The following PEPD variants were observed in gnomAD, a reference collection of about 807,000 sequenced individuals.
PEPD encodes the protein peptidase D.
Under a neutral mutation model 60.7 loss-of-function variants are expected in PEPD, and 53 were observed. The observed-to-expected ratio is 0.87, with a 90% CI of 0.70 to 1.10. PEPD has a LOEUF of 1.10. Ranked by LOEUF, PEPD falls within the 50% of genes least tolerant of loss-of-function variation. The pLI is 0.00. For synonymous variants in PEPD, 267 were observed against 284.1 expected (o/e 0.94, Z 0.60); for missense variants, 711 against 711.9 (o/e 1.00, Z 0.01).
chr19:33,437,113 C>T (rs1023638724), intron 9 of PEPD, among the ~76,000 whole-genome samples: 1 of 152,122 alleles, frequency 6.6e-6, no homozygotes, highest in Non-Finnish European at 1.5e-5. Flanking sequence ...TCTGAGAACA[C>T]GGCCCAGGAG....
intron 12 of PEPD, among the ~76,000 whole-genome samples, chr19:33,400,790 A>T (rs1266044811): frequency 1.3e-5 from 2 of 152,164 alleles, no homozygotes; most frequent in Non-Finnish European, 2.9e-5. Flanking sequence ...ACCTCCCATC[A>T]CTGCTGGGAA....
At chr19:33,473,232 C>T (rs1471386578) in intron 7 of PEPD, among the ~76,000 whole-genome samples, 1 of 152,100 alleles carries the variant, frequency 6.6e-6, no homozygotes, top group Non-Finnish European at 1.5e-5. Context: ...TTCTTGCTGG[C>T]GTAGGGTTAA....
intron 9 of PEPD, among the ~76,000 whole-genome samples, chr19:33,424,029 T>C (rs1394885926): frequency 6.6e-6 from 1 of 152,244 alleles, no homozygotes; most frequent in Non-Finnish European, 1.5e-5. Flanking sequence ...TGCGCTGGCT[T>C]GGAGCACCAT....
intron 9 of PEPD, among the ~76,000 whole-genome samples, chr19:33,428,706 C>A (rs1164346055): frequency 6.6e-6 from 1 of 152,212 alleles, no homozygotes; most frequent in Non-Finnish European, 1.5e-5. Flanking sequence ...AACTTTCAGC[C>A]TGGCACCCTC....
chr19:33,498,589 C>T (rs34221005), intron 4 of PEPD, among the ~76,000 whole-genome samples: 4 of 151,932 alleles, frequency 2.6e-5, no homozygotes, highest in African/African-American at 7.3e-5. Context: ...GGTCCCACCA[C>T]GGTCCTTGAG....
At chr19:33,437,471 T>A (rs1224358387) in intron 9 of PEPD, among the ~76,000 whole-genome samples, 5 of 151,516 alleles carry the variant, frequency 3.3e-5, no homozygotes, top group Non-Finnish European at 7.4e-5. Context: ...GAGCTGTTAT[T>A]AACAGCCAGA....
intron 5 of PEPD, among the ~76,000 whole-genome samples, chr19:33,492,537 C>A (rs1225224313): frequency 1.6e-4 from 25 of 152,176 alleles, no homozygotes; most frequent in East Asian, 1.9e-4. Flanking sequence ...CTTTCTGTTA[C>A]AATCCAATTG....
rs10403476 is a variant in PEPD at position 33,475,576 on chromosome 19, C to T, written c.548+2470G>A. ...GAACGCGGGCTCGACCTCAAAGCCT[C>T]GAAAATGTCACTTGAATTAAAGCAT... On this transcript the variant is annotated intron_variant, in intron 7 of 14. Coordinates refer to ENST00000244137, the MANE Select transcript of PEPD (RefSeq NM_000285.4). Among the ~76,000 whole-genome samples, 543 of 152,270 alleles carry T rather than the reference C, an allele frequency of 3.6e-3. 3 individuals carry two copies. Among genetic ancestry groups the T allele is most frequent in the African/African-American group, 0.012 (515 of 41,558 alleles).
At chr19:33,509,651 T>A (rs1351496603) in intron 3 of PEPD, among the ~76,000 whole-genome samples, 1 of 152,184 alleles carries the variant, frequency 6.6e-6, no homozygotes, top group East Asian at 1.9e-4. Flanking sequence ...GCCCACCTGG[T>A]AATGAGCATT....
At chr19:33,513,139 G>A (rs894517130) in intron 1 of PEPD, among the ~76,000 whole-genome samples, 6 of 152,044 alleles carry the variant, frequency 3.9e-5, no homozygotes, top group Non-Finnish European at 5.9e-5. Flanking sequence ...CTCTCTCTGC[G>A]GAAACCTTCT....
In PEPD at chr19:33,507,001, C is replaced by G. The variant is rs531739134; in HGVS notation, c.329+4027G>C. ...CCACATCACATCCATACGTACCCAC[C>G]CCTCCACATGCACCACACCACACAC... On this transcript the variant is annotated intron_variant, in intron 3 of 14. Coordinates refer to ENST00000244137, the MANE Select transcript of PEPD (RefSeq NM_000285.4). Among the ~76,000 whole-genome samples, 8 of 150,894 alleles carry G rather than the reference C, an allele frequency of 5.3e-5. 1 individual carries two copies. In the South Asian group the frequency reaches 1.7e-3, roughly 32 times the overall value.
chr19:33,487,353 G>A (rs897169615), intron 6 of PEPD: 1 of 152,478 alleles, frequency 6.6e-6, no homozygotes, highest in Non-Finnish European at 1.5e-5. Flanking sequence ...ATGCAGGGTA[G>A]GGGGCACCAG....
intron 4 of PEPD, 67 bp downstream of exon 4, chr19:33,500,871 A>T: frequency 1.1e-6 from 1 of 895,288 alleles, no homozygotes; most frequent in Non-Finnish European, 1.9e-6. Context: ...GTGGAAGGAG[A>T]GGAACTCCAG....
chr19:33,407,417 G>C (rs1968654430), intron 11 of PEPD, among the ~76,000 whole-genome samples: 1 of 152,188 alleles, frequency 6.6e-6, no homozygotes, highest in South Asian at 2.1e-4. Context: ...TGGAAGGAGG[G>C]GGCAGCACAT....
At chr19:33,401,150 T>C (rs550893421) in intron 12 of PEPD, among the ~76,000 whole-genome samples, 138 of 152,350 alleles carry the variant, frequency 9.1e-4, no homozygotes, top group African/African-American at 3.2e-3. Flanking sequence ...ACCAGGCCCA[T>C]CCTGGCCTCA....
intron 3 of PEPD, among the ~76,000 whole-genome samples, chr19:33,504,692 G>A (rs902423403): frequency 1.3e-5 from 2 of 152,094 alleles, no homozygotes; most frequent in African/African-American, 4.8e-5. Context: ...TAGGGAGGTG[G>A]AGGTTGCAGT....
intron 11 of PEPD, among the ~76,000 whole-genome samples, chr19:33,405,696 G>A (rs1018176550): frequency 6.6e-6 from 1 of 152,236 alleles, no homozygotes; most frequent in Non-Finnish European, 1.5e-5. Context: ...AGCTCCAAGC[G>A]TGGCCAGCAG....
At chr19:33,504,447 G>A (rs537630280) in intron 3 of PEPD, among the ~76,000 whole-genome samples, 129 of 152,332 alleles carry the variant, frequency 8.5e-4, no homozygotes, top group African/African-American at 2.9e-3. Flanking sequence ...AGGCCCCATC[G>A]CATGGGAAGT....
intron 9 of PEPD, among the ~76,000 whole-genome samples, chr19:33,421,602 C>T (rs1398200525): frequency 6.6e-6 from 1 of 152,084 alleles, no homozygotes; most frequent in African/African-American, 2.4e-5. Context: ...GTGATTCTCC[C>T]CCTTCAGTTT....
Sources: allele counts gnomAD v4.1 joint callset (sites outside exome capture counted in the v4.1 genomes callset), GRCh38; gene constraint gnomAD v4.1.1; transcripts MANE v1.5; gene names NCBI Gene and HGNC (gene_info 2026-07-23, HGNC 2026-07-21).